SLTM: variants seen among roughly 807,000 people sequenced by gnomAD.
The protein encoded by SLTM is SAFB like transcription modulator, also known as SAFB-like transcription modulator.
Under a neutral mutation model 134.6 loss-of-function variants are expected in SLTM, and 43 were observed. The ratio of observed to expected loss-of-function variants is 0.32; its 90% CI spans 0.25 to 0.41. SLTM has a LOEUF of 0.41. SLTM is among the 10% of genes least tolerant of loss of function. SLTM has a pLI of 1.00. For missense variants in SLTM, 1,055 were observed against 1,288.8 expected (o/e 0.82, Z 2.78); for synonymous variants, 424 against 432.3 (o/e 0.98, Z 0.24).
At chr15:58,931,906 C>CAA (rs2065478661) in intron 2 of SLTM, among the ~76,000 whole-genome samples, 1 of 151,958 alleles carries the variant, frequency 6.6e-6, no homozygotes, top group Admixed American at 6.6e-5. Context: ...GGCATAAATG[C>CAA]AAATTAAGTT....
At chr15:58,889,179 G>T in intron 16 of SLTM, 1 of 353,382 alleles carries the variant, frequency 2.8e-6, no homozygotes, top group African/African-American at 2.0e-5. Flanking sequence ...TATTATTGAA[G>T]CCTACTATGA....
intron 5 of SLTM, among the ~76,000 whole-genome samples, chr15:58,910,695 C>T (rs553442346): frequency 1.5e-3 from 219 of 150,340 alleles, no homozygotes; most frequent in Middle Eastern, 3.5e-3. Context: ...AATCAGTAAT[C>T]TAGAAAAGGT....
intron 15 of SLTM, 135 bp from the exon 16 acceptor site, chr15:58,889,689 A>T (rs1182250194): frequency 4.0e-6 from 4 of 1,003,630 alleles, no homozygotes; most frequent in Non-Finnish European, 5.7e-6. Context: ...AACCTATGAC[A>T]CCTAAATTTG....
intron 15 of SLTM, 105 bp from the exon 16 acceptor site, chr15:58,889,659 C>A: frequency 1.4e-6 from 2 of 1,441,696 alleles, no homozygotes; most frequent in Non-Finnish European, 1.9e-6. Context: ...CCATCATAAG[C>A]AAAGACCAGG....
chr15:58,905,929 G>A (rs968382190), intron 5 of SLTM, among the ~76,000 whole-genome samples: 31 of 152,098 alleles, frequency 2.0e-4, no homozygotes, highest in African/African-American at 4.6e-4. Context: ...TTTATATGCC[G>A]GTAGGAAATG....
intron 9 of SLTM, among the ~76,000 whole-genome samples, 160 bp from the exon 10 acceptor site, chr15:58,894,742 T>C (rs1360792786): frequency 6.7e-6 from 1 of 148,856 alleles, no homozygotes; most frequent in Admixed American, 6.9e-5. Flanking sequence ...TCACACTCTG[T>C]CACGCAGGCT....
intron 2 of SLTM, among the ~76,000 whole-genome samples, chr15:58,926,176 G>A (rs563261196): frequency 3.3e-5 from 5 of 152,170 alleles, no homozygotes; most frequent in African/African-American, 4.8e-5. Flanking sequence ...AATGACTAAC[G>A]CAGAGTGCAG....
chr15:58,879,060 G>A lies in SLTM; in HGVS notation c.*939C>T, dbSNP rs1299366905. 1.3e-5 allele frequency: 2 copies of A among 152,116 alleles called. No homozygotes were observed. 9.4% of individuals were successfully genotyped at this position (152,116 alleles called of 1,614,324 possible). The stretch of plus-strand genomic sequence containing the variant: ...CAAAGACACATACACTTCCAGGTGT[G>A]GATTTTTATTTTCACAAAAAGACAA... On this transcript the variant is annotated 3_prime_UTR_variant, in exon 21 of 21. Coordinates refer to ENST00000380516, the MANE Select transcript of SLTM (RefSeq NM_024755.4).
intron 5 of SLTM, among the ~76,000 whole-genome samples, chr15:58,903,369 T>C (rs1213667309): frequency 6.6e-6 from 1 of 152,188 alleles, no homozygotes; most frequent in Non-Finnish European, 1.5e-5. Flanking sequence ...TAAGCAGAAG[T>C]ACGCTGTTTA....
intron 1 of SLTM, among the ~76,000 whole-genome samples, chr15:58,932,705 G>A (rs756921634): frequency 4.3e-4 from 66 of 152,064 alleles, no homozygotes; most frequent in Non-Finnish European, 5.4e-4. Context: ...CATCATACTG[G>A]CCAAAAATCC....
intron 19 of SLTM, among the ~76,000 whole-genome samples, chr15:58,884,515 C>T (rs2034021340): frequency 6.6e-6 from 1 of 152,120 alleles, no homozygotes; most frequent in South Asian, 2.1e-4. Context: ...GACGGGGTTT[C>T]ACCATGTTGG....
chr15:58,890,067 G>A (rs1297179369), intron 15 of SLTM: 24 of 583,418 alleles, frequency 4.1e-5, no homozygotes, highest in Non-Finnish European at 6.9e-5. Context: ...ATATTGCAGA[G>A]CTAGAATTAT....
chr15:58,898,883 A>G (rs2035280883), intron 7 of SLTM, 31 bp from the exon 8 acceptor site: 1 of 1,475,688 alleles, frequency 6.8e-7, no homozygotes, highest in East Asian at 2.3e-5. Flanking sequence ...AAGAAAATTG[A>G]AAACAAAAAC....
At chr15:58,908,168 C>T (rs2036008330) in intron 5 of SLTM, among the ~76,000 whole-genome samples, 1 of 151,414 alleles carries the variant, frequency 6.6e-6, no homozygotes, top group Admixed American at 6.6e-5. Flanking sequence ...GCAATCCTCC[C>T]ACCTCGGTCT....
intron 2 of SLTM, among the ~76,000 whole-genome samples, chr15:58,922,466 A>G (rs574223854): frequency 2.7e-5 from 4 of 145,772 alleles, no homozygotes; most frequent in African/African-American, 7.5e-5. Flanking sequence ...ATAATATATA[A>G]TATGTATAGT....
At position 58,888,420 on chromosome 15, in the gene SLTM, A is replaced by C. The variant is rs139820701; in HGVS notation, c.2340T>G (p.Pro780=). Residue 780 remains proline, a synonymous_variant, in exon 17 of 21, where the codon CCT becomes CCG. Coordinates refer to ENST00000380516, the MANE Select transcript of SLTM (RefSeq NM_024755.4). ...DFDHRERGRF[P]ESSAVQSSSF... The stretch of plus-strand genomic sequence containing the variant: ...ATGAAGACTGTACTGCTGAACTCTC[A>C]GGAAACCTGCCCCTCTCTCGGTGAT... 1.2e-5 allele frequency: 20 copies of C among 1,612,256 alleles called. No homozygotes were observed. In the African/African-American group the frequency reaches 1.9e-4, roughly 15 times the overall value.
intron 9 of SLTM, among the ~76,000 whole-genome samples, chr15:58,895,232 A>T (rs1202327137): frequency 3.3e-5 from 5 of 152,246 alleles, no homozygotes; most frequent in African/African-American, 1.2e-4. Flanking sequence ...GAATGTCTTT[A>T]GAGAAAGTTT....
Position 58,899,081 on chromosome 15 carries a change from T to TA in SLTM, c.1059-230dup, listed in dbSNP as rs2035292811. On this transcript the variant is annotated intron_variant, in intron 7 of 20. Transcript: ENST00000380516. The surrounding 1 kb of genome is among the most constrained non-coding windows in gnomAD (Gnocchi z 5.0). ...TTCTGACAATTCTATTCAGTGGAAA[T>TA]ATGGCCATCTTCTCCAGATTTCAGG... The TA allele has an allele frequency of 2.2e-6, 1 of 463,976 alleles. No homozygotes were observed. The highest frequency in any genetic ancestry group is 2.1e-5 in the African/African-American group (1 of 48,644). 28.7% of individuals were successfully genotyped at this position (463,976 alleles called of 1,614,324 possible).
chr15:58,886,250 TGTGTGTGTGTGTGTGTA>T (rs1368030917), intron 19 of SLTM, among the ~76,000 whole-genome samples: 8 of 148,420 alleles, frequency 5.4e-5, no homozygotes, highest in Admixed American at 6.7e-5. Flanking sequence ...TGTGTGTGTG[TGTGTGTGTGTGTGTGTA>T]TTTTTTTTTT....
Sources: gnomAD v4.1 joint callset for allele counts (sites outside exome capture counted in the v4.1 genomes callset) on GRCh38, gnomAD v4.1.1 for gene constraint, Gnocchi (gnomAD v3.1) non-coding constraint, MANE v1.5 for transcripts, NCBI Gene and HGNC (gene_info 2026-07-23, HGNC 2026-07-21) for gene names.